CDKAL1: variants seen among roughly 807,000 people sequenced by gnomAD.
CDKAL1 encodes the protein CDKAL1 threonylcarbamoyladenosine tRNA methylthiotransferase.
CDKAL1 carries 32 observed loss-of-function variants against 68.2 expected under a neutral mutation model. That is an observed-to-expected ratio of 0.47 (90% CI 0.35 to 0.63). CDKAL1 has a LOEUF of 0.63. Among genes scored for constraint, CDKAL1 ranks in the 30% least tolerant of loss-of-function variants. The pLI, the probability that CDKAL1 is intolerant of heterozygous loss-of-function variation, is 0.00. For synonymous variants in CDKAL1, 234 were observed against 244.3 expected (o/e 0.96, Z 0.39); for missense variants, 606 against 696.7 (o/e 0.87, Z 1.47).
Position 21,053,229 on chromosome 6 carries a change from A to C in CDKAL1, c.1056-11819A>C, listed in dbSNP as rs546040644. ...ATTTCTTATAAATGGAATCACAATA[A>C]GCAATCCTTCGTGTCTTTCATTTCC... On this transcript the variant is annotated intron_variant, in intron 11 of 15. Transcript: ENST00000274695. Among the ~76,000 whole-genome samples the C allele has an allele frequency of 5.4e-4, 82 of 152,344 alleles. 3 individuals carry two copies. The highest frequency in any genetic ancestry group is 1.9e-3 in the African/African-American group (77 of 41,568).
chr6:20,896,320 G>T (rs142219976), intron 9 of CDKAL1, among the ~76,000 whole-genome samples: 1 of 151,928 alleles, frequency 6.6e-6, no homozygotes, highest in African/African-American at 2.4e-5. Flanking sequence ...AGATGGTCTC[G>T]ATCTCTTGAC....
At chr6:21,074,206 C>G (rs967277686) in intron 12 of CDKAL1, among the ~76,000 whole-genome samples, 1 of 152,192 alleles carries the variant, frequency 6.6e-6, no homozygotes, top group South Asian at 2.1e-4. Flanking sequence ...CCTTCCTGGC[C>G]TGTCCCAGCT....
At chr6:20,716,525 A>G (rs911675440) in intron 5 of CDKAL1, among the ~76,000 whole-genome samples, 1 of 149,718 alleles carries the variant, frequency 6.7e-6, no homozygotes, top group African/African-American at 2.5e-5. Flanking sequence ...TTGGAGGTAG[A>G]TTGTGCAAAT....
intron 11 of CDKAL1, among the ~76,000 whole-genome samples, chr6:21,008,622 T>C (rs749484048): frequency 5.9e-5 from 9 of 152,170 alleles, no homozygotes; most frequent in African/African-American, 1.7e-4. Flanking sequence ...AGCTATTGAG[T>C]TGTACTAACG....
intron 9 of CDKAL1, among the ~76,000 whole-genome samples, chr6:20,913,334 G>T (rs1202868650): frequency 2.0e-5 from 3 of 152,076 alleles, no homozygotes; most frequent in Non-Finnish European, 4.4e-5. Context: ...TGTGGTTGTT[G>T]GTAGGATTCA....
chr6:20,926,056 G>T (rs1428642708), intron 9 of CDKAL1, among the ~76,000 whole-genome samples: 1 of 151,978 alleles, frequency 6.6e-6, no homozygotes, highest in Non-Finnish European at 1.5e-5. Context: ...TTGTTAGCTT[G>T]GAACAATATT....
intron 9 of CDKAL1, among the ~76,000 whole-genome samples, chr6:20,846,749 C>A (rs548439075): frequency 2.6e-5 from 4 of 152,196 alleles, no homozygotes; most frequent in Non-Finnish European, 4.4e-5. Flanking sequence ...CATCACTTGC[C>A]GGGAAATGTG....
In CDKAL1 at chr6:20,831,537, G is replaced by A. The variant is rs147410892; in HGVS notation, c.639-14538G>A. On this transcript the variant is annotated intron_variant, in intron 8 of 15. Coordinates refer to ENST00000274695, the MANE Select transcript of CDKAL1 (RefSeq NM_017774.3). The stretch of plus-strand genomic sequence containing the variant: ...TTCTCAGATGTAGTGGTTTCACCAG[G>A]ATTCAGAAAGCTGTAGTGGATCAGA... 3.8e-4 allele frequency among the ~76,000 whole-genome samples: 58 copies of A among 152,238 alleles called. No individual in the cohort carries two copies. In the East Asian group the frequency reaches 0.011, roughly 29 times the overall value.
intron 4 of CDKAL1, among the ~76,000 whole-genome samples, chr6:20,618,333 AT>A (rs1300831402): frequency 6.6e-6 from 1 of 152,092 alleles, no homozygotes; most frequent in African/African-American, 2.4e-5. Context: ...AGATGGGTAG[AT>A]TGCAAAAATT....
At chr6:21,202,990 G>T (rs1778750722) in intron 15 of CDKAL1, among the ~76,000 whole-genome samples, 1 of 152,062 alleles carries the variant, frequency 6.6e-6, no homozygotes, top group South Asian at 2.1e-4. Flanking sequence ...AGGCCAGTGG[G>T]GTAGGAATAT....
At chr6:20,933,245 A>G (rs1763552802) in intron 9 of CDKAL1, among the ~76,000 whole-genome samples, 1 of 152,192 alleles carries the variant, frequency 6.6e-6, no homozygotes, top group Non-Finnish European at 1.5e-5. Flanking sequence ...AGAAAACAAT[A>G]CCCTTTGCTT....
intron 5 of CDKAL1, among the ~76,000 whole-genome samples, chr6:20,732,283 T>TTTTTTTTTTTTTTTTG (rs1554112044): frequency 8.5e-6 from 1 of 117,488 alleles, no homozygotes; most frequent in Non-Finnish European, 1.8e-5. Context: ...TTTTTTTTTT[T>TTTTTTTTTTTTTTTTG]TTGTTGTTGT....
At chr6:21,200,564 GT>G (rs1562111715) in intron 14 of CDKAL1, among the ~76,000 whole-genome samples, 1 of 152,208 alleles carries the variant, frequency 6.6e-6, no homozygotes, top group African/African-American at 2.4e-5. Context: ...CACTTGGAAA[GT>G]ATTAAAAGTA....
At chr6:21,101,514 G>C (rs949259412) in intron 12 of CDKAL1, among the ~76,000 whole-genome samples, 3 of 152,082 alleles carry the variant, frequency 2.0e-5, no homozygotes, top group African/African-American at 7.2e-5. Context: ...TTGTTTGCTA[G>C]GATTTTAACC....
intron 9 of CDKAL1, among the ~76,000 whole-genome samples, chr6:20,886,111 A>C (rs1761056191): frequency 6.6e-6 from 1 of 152,180 alleles, no homozygotes; most frequent in African/African-American, 2.4e-5. Context: ...ATTTGAATAG[A>C]TATTTTTCAA....
At chr6:21,192,810 C>CTT (rs34456723) in intron 13 of CDKAL1, among the ~76,000 whole-genome samples, 119 of 124,846 alleles carry the variant, frequency 9.5e-4, no homozygotes, top group African/African-American at 2.6e-3. Context: ...TTGAGAGTTC[C>CTT]TTTTTTTTTT....
At chr6:20,772,299 A>G (rs1022393202) in intron 7 of CDKAL1, among the ~76,000 whole-genome samples, 3 of 152,214 alleles carry the variant, frequency 2.0e-5, no homozygotes, top group Non-Finnish European at 4.4e-5. Flanking sequence ...TGTTGTAGCA[A>G]GACAGCTAAT....
At position 20,591,204 on chromosome 6, in the gene CDKAL1, A is replaced by T. The variant is rs183235641; in HGVS notation, c.286+42499A>T. Among the ~76,000 whole-genome samples, 54 of 150,400 alleles carry T rather than the reference A, an allele frequency of 3.6e-4. 1 individual carries two copies. The East Asian group carries it at 9.4e-3, about 26-fold the overall frequency. Reference sequence around the variant, plus strand: ...TCTTCGCCCACTTTTTGATGGGGTTATTTTTTTCTTGTATATTTGTTTAAG... The same window carrying T: ...TCTTCGCCCACTTTTTGATGGGGTTTTTTTTTTCTTGTATATTTGTTTAAG... On this transcript the variant is annotated intron_variant, in intron 4 of 15. Transcript: ENST00000274695.
At chr6:21,229,172 A>G (rs575059556) in intron 15 of CDKAL1, among the ~76,000 whole-genome samples, 1 of 152,304 alleles carries the variant, frequency 6.6e-6, no homozygotes, top group East Asian at 1.9e-4. Flanking sequence ...CTACAGACAG[A>G]GCAAGAATTC....
Sources: allele counts gnomAD v4.1 joint callset (sites outside exome capture counted in the v4.1 genomes callset), GRCh38; gene constraint gnomAD v4.1.1; transcripts MANE v1.5; gene names NCBI Gene and HGNC (gene_info 2026-07-23, HGNC 2026-07-21).